Variants in P4HA1 observed in about 807,000 individuals in gnomAD.
The protein encoded by P4HA1 is prolyl 4-hydroxylase subunit alpha 1.
A neutral mutation model predicts 72.8 loss-of-function variants in P4HA1; 24 were observed. The observed-to-expected ratio is 0.33, with a 90% confidence interval of 0.24 to 0.46. The LOEUF is 0.46. Ranked by LOEUF, P4HA1 falls within the 20% of genes least tolerant of loss-of-function variation. P4HA1 has a pLI of 1.00. For missense variants in P4HA1, 446 were observed against 640.6 expected (o/e 0.70, Z 3.28); for synonymous variants, 201 against 218.8 (o/e 0.92, Z 0.72).
chr10:73,041,364 G>A (rs1325759355), intron 9 of P4HA1, among the ~76,000 whole-genome samples: 3 of 152,110 alleles, frequency 2.0e-5, no homozygotes, highest in East Asian at 3.9e-4. Flanking sequence ...CTAACACGGT[G>A]AAACCCATCT....
intron 6 of P4HA1, among the ~76,000 whole-genome samples, chr10:73,051,471 A>C (rs537502533): frequency 2.0e-5 from 3 of 152,338 alleles, no homozygotes; most frequent in African/African-American, 7.2e-5. Flanking sequence ...ATATAAAAAC[A>C]GTTCTGGGCC....
In P4HA1 at chr10:73,008,405, C is replaced by T. The variant is rs146377524; in HGVS notation, c.1535-113G>A. 8.5e-4 allele frequency: 578 copies of T among 677,736 alleles called. 6 individuals carry two copies. In the African/African-American group the frequency reaches 9.3e-3, roughly 11 times the overall value. 42.0% of individuals were successfully genotyped at this position (677,736 alleles called of 1,614,324 possible). On this transcript the variant is annotated intron_variant, in intron 14 of 14. Transcript: ENST00000394890. Reference sequence around the variant, plus strand: ...TCATCATGGGATAAAAGTTCAACACCAAAACCGGATAAAGGCAGATGCTAC... The same window carrying T: ...TCATCATGGGATAAAAGTTCAACACTAAAACCGGATAAAGGCAGATGCTAC...
In P4HA1 at chr10:73,066,899, A is replaced by C. The variant is rs144645402; in HGVS notation, c.463+1947T>G. ...TCCTAAGACATCCGTAGCCATGCGGAACTGTGAGTCAATTAAACCTCTTTT... is the reference window on the plus strand; with the variant it reads ...TCCTAAGACATCCGTAGCCATGCGGCACTGTGAGTCAATTAAACCTCTTTT... On this transcript the variant is annotated intron_variant, in intron 5 of 14. Coordinates refer to ENST00000394890, the MANE Select transcript of P4HA1 (RefSeq NM_001017962.3). 5.6e-3 allele frequency among the ~76,000 whole-genome samples: 853 copies of C among 152,264 alleles called. 6 individuals carry two copies. Among genetic ancestry groups the C allele is most frequent in the African/African-American group, 0.019 (808 of 41,546 alleles).
chr10:73,082,034 A>G (rs1841836572), intron 1 of P4HA1, among the ~76,000 whole-genome samples: 1 of 152,200 alleles, frequency 6.6e-6, no homozygotes, highest in Non-Finnish European at 1.5e-5. Flanking sequence ...AACAAAACAT[A>G]CTTTGACCCC....
rs1180902439 is a variant in P4HA1, at chr10:73,025,479, C to T, written c.1248+4792G>A. Reference sequence around the variant, plus strand: ...GGAACATATCTCAAAATAATAAGAGCTATTTATGACAAACCCACAGCCAAT... The same window carrying T: ...GGAACATATCTCAAAATAATAAGAGTTATTTATGACAAACCCACAGCCAAT... On this transcript the variant is annotated intron_variant, in intron 10 of 14. Coordinates refer to ENST00000394890, the MANE Select transcript of P4HA1 (RefSeq NM_001017962.3). Among the ~76,000 whole-genome samples, 4 of 152,052 alleles carry T rather than the reference C, an allele frequency of 2.6e-5. No homozygotes were observed. In the South Asian group the frequency reaches 8.3e-4, roughly 32 times the overall value.
chr10:73,068,011 A>G (rs952924869), intron 5 of P4HA1, among the ~76,000 whole-genome samples: 1 of 152,210 alleles, frequency 6.6e-6, no homozygotes, highest in Non-Finnish European at 1.5e-5. Flanking sequence ...TCTTATCAAA[A>G]GCGTTATAAT....
chr10:73,083,699 C>T (rs1279470931), intron 1 of P4HA1, among the ~76,000 whole-genome samples: 1 of 152,192 alleles, frequency 6.6e-6, no homozygotes, highest in Non-Finnish European at 1.5e-5. Context: ...CAGCATGATG[C>T]TTATCCCTAA....
intron 7 of P4HA1, among the ~76,000 whole-genome samples, chr10:73,050,614 C>T (rs1207058588): frequency 2.0e-5 from 3 of 150,766 alleles, no homozygotes; most frequent in Non-Finnish European, 4.4e-5. Flanking sequence ...GCAGGTGAAT[C>T]GCTTGAACCC....
intron 10 of P4HA1, among the ~76,000 whole-genome samples, chr10:73,022,095 T>C (rs925411187): frequency 1.3e-5 from 2 of 152,250 alleles, no homozygotes; most frequent in African/African-American, 4.8e-5. Flanking sequence ...AGACAACTTC[T>C]GCAGACTTAA....
intron 9 of P4HA1, among the ~76,000 whole-genome samples, chr10:73,037,560 TATATATATATA>T (rs1462496129): frequency 0.015 from 542 of 36,424 alleles, 18 homozygotes; most frequent in East Asian, 0.034. Context: ...TATATATATA[TATATATATATA>T]TTTTTTTTTT....
At chr10:73,088,179 G>A (rs759331261) in intron 1 of P4HA1, among the ~76,000 whole-genome samples, 6 of 152,084 alleles carry the variant, frequency 3.9e-5, no homozygotes, top group Non-Finnish European at 7.4e-5. Flanking sequence ...AAACGTGTGC[G>A]ACCAGACCCG....
chr10:73,055,865 C>CT (rs1211600377), intron 5 of P4HA1, among the ~76,000 whole-genome samples: 4 of 152,200 alleles, frequency 2.6e-5, no homozygotes, highest in Non-Finnish European at 5.9e-5. Flanking sequence ...TCAAAGCCAT[C>CT]TTATTACAGA....
chr10:73,057,638 T>G (rs1589608850), intron 5 of P4HA1, among the ~76,000 whole-genome samples: 1 of 152,088 alleles, frequency 6.6e-6, no homozygotes, highest in African/African-American at 2.4e-5. Flanking sequence ...AAAATTAAAA[T>G]GCATGGAAGT....
At chr10:73,089,975 T>G (rs545663477) in intron 1 of P4HA1, among the ~76,000 whole-genome samples, 33 of 152,280 alleles carry the variant, frequency 2.2e-4, no homozygotes, top group African/African-American at 7.9e-4. Flanking sequence ...TAGCGGGGAC[T>G]GCAGGCACAC....
At chr10:73,094,315 G>A (rs1842115664) in intron 1 of P4HA1, among the ~76,000 whole-genome samples, 2 of 152,094 alleles carry the variant, frequency 1.3e-5, no homozygotes, top group Admixed American at 1.3e-4. Flanking sequence ...ACTGCCTCAA[G>A]ACACCTAGAT....
intron 1 of P4HA1, among the ~76,000 whole-genome samples, chr10:73,077,818 A>C (rs1462501867): frequency 1.3e-5 from 1 of 79,726 alleles, no homozygotes; most frequent in Non-Finnish European, 2.4e-5. Context: ...TCATCTCTAC[A>C]AAAAAAAAAA....
At chr10:73,038,622 CTT>C (rs745518781) in intron 9 of P4HA1, among the ~76,000 whole-genome samples, 1 of 108,822 alleles carries the variant, frequency 9.2e-6, no homozygotes, top group Admixed American at 9.1e-5. Flanking sequence ...TTTTTATTTG[CTT>C]TTTTTTTTTT....
chr10:73,073,874 G>T, intron 2 of P4HA1, 47 bp from the exon 3 acceptor site: 2 of 865,212 alleles, frequency 2.3e-6, no homozygotes, highest in Non-Finnish European at 4.0e-6. Flanking sequence ...TTCAACACAA[G>T]TATGTTAAGA....
At chr10:73,039,109 G>A (rs1840672859) in intron 9 of P4HA1, among the ~76,000 whole-genome samples, 1 of 152,094 alleles carries the variant, frequency 6.6e-6, no homozygotes, top group Admixed American at 6.6e-5. Context: ...GTGAAACCCT[G>A]TCTCTACAAA....
Sources: gnomAD v4.1 joint callset for allele counts (sites outside exome capture counted in the v4.1 genomes callset) on GRCh38, gnomAD v4.1.1 for gene constraint, MANE v1.5 for transcripts, NCBI Gene and HGNC (gene_info 2026-07-23, HGNC 2026-07-21) for gene names.